Variants in CDC42BPA observed in about 807,000 individuals in gnomAD.
The protein encoded by CDC42BPA is serine/threonine-protein kinase MRCK alpha.
CDC42BPA carries 80 observed loss-of-function variants against 223.5 expected under a neutral mutation model. The observed-to-expected ratio is 0.36, with a 90% confidence interval of 0.30 to 0.43. CDC42BPA has a LOEUF of 0.43. Among genes scored for constraint, CDC42BPA ranks in the 20% least tolerant of loss-of-function variants. CDC42BPA has a pLI of 1.00. For missense variants in CDC42BPA, 1,743 were observed against 2,099.9 expected (o/e 0.83, Z 3.32); for synonymous variants, 694 against 718.6 (o/e 0.97, Z 0.55).
At chr1:227,253,353 TAGG>T (rs1682437288) in intron 2 of CDC42BPA, among the ~76,000 whole-genome samples, 2 of 152,226 alleles carry the variant, frequency 1.3e-5, no homozygotes, top group South Asian at 4.2e-4. Context: ...AAATATCCTT[TAGG>T]AGGACAAGGT....
At chr1:227,207,563 T>C (rs1673016931) in intron 3 of CDC42BPA, among the ~76,000 whole-genome samples, 1 of 138,202 alleles carries the variant, frequency 7.2e-6, no homozygotes, top group East Asian at 2.3e-4. Context: ...CCCCTTCCTG[T>C]GTCCCTGTGA....
At position 227,199,571 on chromosome 1, in the gene CDC42BPA, C is replaced by T; in HGVS notation, c.436G>A (p.Asp146Asn). The change falls in exon 4 of 37, where the codon GAT becomes AAT. Residue 146 changes from aspartate to asparagine, a missense_variant. Asp to Asn is a conservative substitution (Grantham distance 23). Around this residue, in one of 6 missense-constraint regions of CDC42BPA, gnomAD observed 321 missense variants for 488.7 expected, o/e 0.66. Transcript: ENST00000366766. ...ATGATTCTTACTAAGTTATTGTCAT[C>T]CTGGAAAGCATAGTGCAAGGTTGTA... ...WITTLHYAFQ[D>N]DNNLYLVMDY... is the part of the protein sequence containing the mutation. The T allele has an allele frequency of 1.9e-6, 3 of 1,574,490 alleles. No individual in the cohort carries two copies. Among genetic ancestry groups the T allele is most frequent in the Non-Finnish European group, 2.6e-6 (3 of 1,146,968 alleles).
chr1:227,097,714 A>T (rs1684266164), intron 15 of CDC42BPA, among the ~76,000 whole-genome samples: 1 of 152,178 alleles, frequency 6.6e-6, no homozygotes, highest in Non-Finnish European at 1.5e-5. Flanking sequence ...GTGGCATATG[A>T]CCTTCTTCTA....
At chr1:227,103,699 C>T (rs1224068971) in intron 14 of CDC42BPA, among the ~76,000 whole-genome samples, 1 of 152,044 alleles carries the variant, frequency 6.6e-6, no homozygotes, top group Admixed American at 6.5e-5. Context: ...ATATATGAGA[C>T]ATCTTCAGTC....
chr1:227,014,176 G>A (rs1430767007), intron 34 of CDC42BPA, among the ~76,000 whole-genome samples: 3 of 151,012 alleles, frequency 2.0e-5, no homozygotes, highest in African/African-American at 4.9e-5. Context: ...CCAGAAAAAG[G>A]TTGAAAAAAA....
intron 12 of CDC42BPA, among the ~76,000 whole-genome samples, chr1:227,117,829 T>C (rs1316956332): frequency 6.6e-6 from 1 of 151,914 alleles, no homozygotes; most frequent in Non-Finnish European, 1.5e-5. Flanking sequence ...AAAAGATTCC[T>C]AAAAGCAAAA....
chr1:227,230,736 G>A (rs935965137), intron 2 of CDC42BPA, among the ~76,000 whole-genome samples: 1 of 150,544 alleles, frequency 6.6e-6, no homozygotes, highest in African/African-American at 2.4e-5. Flanking sequence ...ACATTTTTAT[G>A]TGTAGGTGGT....
rs1426913244 is a variant in CDC42BPA at position 226,992,402 on chromosome 1, A to G, written c.*1866T>C. 1 of 152,270 alleles carries G rather than the reference A, an allele frequency of 6.6e-6. No homozygotes were observed. Among genetic ancestry groups the G allele is most frequent in the Non-Finnish European group, 1.5e-5 (1 of 68,058 alleles). The allele number at this position is 152,270 out of a possible 1,614,324, so 9.4% of individuals were successfully genotyped here. ...AAATTCCCGATTATAGGTGCTTACA[A>G]TGGAATCCCCAGCAGGATCCTTTCT... is the stretch of plus-strand genomic sequence containing the variant. On this transcript the variant is annotated 3_prime_UTR_variant, in exon 37 of 37. Coordinates refer to ENST00000366766, the MANE Select transcript of CDC42BPA (RefSeq NM_001394014.1).
At chr1:227,294,695 C>T (rs1283530552) in intron 1 of CDC42BPA, among the ~76,000 whole-genome samples, 1 of 110,142 alleles carries the variant, frequency 9.1e-6, no homozygotes, top group African/African-American at 3.6e-5. Flanking sequence ...CCCGTCTCTA[C>T]TAAAAATACA....
intron 16 of CDC42BPA, among the ~76,000 whole-genome samples, chr1:227,086,487 C>A (rs1293219237): frequency 6.6e-6 from 1 of 152,072 alleles, no homozygotes; most frequent in Non-Finnish European, 1.5e-5. Flanking sequence ...ATAGTTGATA[C>A]GGTCACGCCA....
intron 16 of CDC42BPA, among the ~76,000 whole-genome samples, chr1:227,090,055 T>C (rs1254453673): frequency 6.6e-6 from 1 of 152,210 alleles, no homozygotes; most frequent in South Asian, 2.1e-4. Flanking sequence ...ATTGTTAGTC[T>C]TATTTCAATG....
chr1:227,033,498 C>A, intron 26 of CDC42BPA, 83 bp from the exon 27 acceptor site: 3 of 841,802 alleles, frequency 3.6e-6, no homozygotes, highest in Non-Finnish European at 6.0e-6. Flanking sequence ...TAACACATAC[C>A]CAAAGCTTAA....
chr1:227,028,556 A>T (rs1668689087), intron 30 of CDC42BPA, 101 bp downstream of exon 30: 2 of 793,124 alleles, frequency 2.5e-6, no homozygotes, highest in African/African-American at 1.7e-5. Context: ...TGACTTTTTT[A>T]AAAAACTGTT....
chr1:227,107,143 G>T (rs940498723), intron 14 of CDC42BPA, among the ~76,000 whole-genome samples: 1 of 152,172 alleles, frequency 6.6e-6, no homozygotes, highest in Non-Finnish European at 1.5e-5. Context: ...TTAGGTAGTA[G>T]TACTGCATCT....
rs1302790518 is a variant in CDC42BPA at position 226,994,022 on chromosome 1, C to CT, written c.*245dup. ...GGGTAAAATGTTACTGAAAGCAACT[C>CT]TAAGTGCATGGAATGAAATCAACGT... On this transcript the variant is annotated 3_prime_UTR_variant, in exon 37 of 37. Coordinates refer to ENST00000366766, the MANE Select transcript of CDC42BPA (RefSeq NM_001394014.1). This position sits in a 1 kb window ranked among gnomAD's most constrained non-coding sequence, Gnocchi z 4.0. 8.8e-6 allele frequency: 4 copies of CT among 455,334 alleles called. No homozygotes were observed. Among genetic ancestry groups the CT allele is most frequent in the Non-Finnish European group, 1.6e-5 (4 of 252,272 alleles). The allele number at this position is 455,334 out of a possible 1,614,324, so 28.2% of individuals were successfully genotyped here.
intron 11 of CDC42BPA, among the ~76,000 whole-genome samples, chr1:227,121,272 T>C (rs1688625961): frequency 6.6e-6 from 1 of 152,220 alleles, no homozygotes; most frequent in African/African-American, 2.4e-5. Context: ...CATTAATGTG[T>C]GGGAACCAGT....
At chr1:227,134,060 C>T (rs1657993938) in intron 10 of CDC42BPA, among the ~76,000 whole-genome samples, 1 of 152,168 alleles carries the variant, frequency 6.6e-6, no homozygotes, top group Admixed American at 6.5e-5. Flanking sequence ...AAAATCATCT[C>T]TCTCATCTGT....
intron 16 of CDC42BPA, among the ~76,000 whole-genome samples, chr1:227,085,258 A>T (rs1415545891): frequency 2.0e-5 from 3 of 152,200 alleles, no homozygotes; most frequent in Non-Finnish European, 1.5e-5. Flanking sequence ...ACAGGCCACA[A>T]CCATGTTCTA....
chr1:227,145,878 A>G, intron 7 of CDC42BPA, 141 bp from the exon 8 acceptor site: 1 of 608,608 alleles, frequency 1.6e-6, no homozygotes, highest in Non-Finnish European at 2.7e-6. Flanking sequence ...ACTAATACTA[A>G]AGGAATACAG....
Sources: gnomAD v4.1 joint callset for allele counts (sites outside exome capture counted in the v4.1 genomes callset) on GRCh38, gnomAD v4.1.1 for gene constraint, gnomAD v4.1.1 regional missense constraint, Gnocchi (gnomAD v3.1) non-coding constraint, MANE v1.5 for transcripts, NCBI Gene and HGNC (gene_info 2026-07-23, HGNC 2026-07-21) for gene names.